HYOU1: variants seen among roughly 807,000 people sequenced by gnomAD.
HYOU1 encodes the protein hypoxia up-regulated protein 1.
Under a neutral mutation model 120.5 loss-of-function variants are expected in HYOU1, and 40 were observed. The observed-to-expected ratio is 0.33, with a 90% CI of 0.26 to 0.43. The LOEUF is 0.43. HYOU1 is among the 20% of genes least tolerant of loss of function. The pLI, the probability that HYOU1 is intolerant of heterozygous loss-of-function variation, is 1.00. For missense variants in HYOU1, 1,085 were observed against 1,278.3 expected (o/e 0.85, Z 2.31); for synonymous variants, 501 against 479.4 (o/e 1.05, Z -0.59).
rs370905937 is a variant in HYOU1 at position 119,045,446 on chromosome 11, TCC to T, written c.*145_*146del. ...AGGAACCAGTGAGCTGTCCCTCCCT[TCC>T]CCTTCTCCACACCTCCAAATCACAG... is the stretch of plus-strand genomic sequence containing the variant. On this transcript the variant is annotated 3_prime_UTR_variant, in exon 26 of 26. Coordinates refer to ENST00000617285, the MANE Select transcript of HYOU1 (RefSeq NM_006389.5). 1 of 783,248 alleles carries T rather than the reference TCC, an allele frequency of 1.3e-6. No homozygotes were observed. The highest frequency in any genetic ancestry group is 2.3e-6 in the Non-Finnish European group (1 of 440,044). 48.5% of individuals were successfully genotyped at this position (783,248 alleles called of 1,614,324 possible). A position where few individuals can be genotyped will look rare whatever the true frequency, so the allele number is the denominator to read the frequency against.
In HYOU1 at chr11:119,051,009, C is replaced by A; in HGVS notation, c.1665+26G>T. 1 of 1,613,730 alleles carries A rather than the reference C, an allele frequency of 6.2e-7. No homozygotes were observed. Among genetic ancestry groups the A allele is most frequent in the Non-Finnish European group, 8.5e-7 (1 of 1,179,750 alleles). ...TGGCAGGGCCTGAGCCCCTGCTCTGCACACAGGGTATCCTTTAGCTCTCAC... is the reference window on the plus strand; with the variant it reads ...TGGCAGGGCCTGAGCCCCTGCTCTGAACACAGGGTATCCTTTAGCTCTCAC... On this transcript the variant is annotated intron_variant, in intron 14 of 25. Transcript: ENST00000617285. The surrounding 1 kb of genome is among the most constrained non-coding windows in gnomAD (Gnocchi z 4.2).
chr11:119,049,669 G>T, intron 15 of HYOU1, 34 bp from the exon 16 acceptor site: 1 of 1,612,302 alleles, frequency 6.2e-7, no homozygotes, highest in South Asian at 1.1e-5. Context: ...CTCAAAAGGA[G>T]ACCACAGCAG....
chr11:119,056,785 G>T (rs1056483433), intron 1 of HYOU1: 1 of 214,770 alleles, frequency 4.7e-6, no homozygotes, highest in Non-Finnish European at 9.5e-6. Context: ...GCCGTTACCC[G>T]GTGTTCACCT....
At chr11:119,046,022 C>T (rs149860003) in intron 24 of HYOU1, among the ~76,000 whole-genome samples, 191 bp from the exon 25 acceptor site, 134 of 152,294 alleles carry the variant, frequency 8.8e-4, no homozygotes, top group East Asian at 1.5e-3. Context: ...AGTGCAGTGG[C>T]GCCATCTTGG....
chr11:119,055,293 A>T lies in HYOU1; in HGVS notation c.311T>A (p.Leu104Gln). Residue 104 changes from leucine to glutamine, a missense_variant, in exon 5 of 26, where the codon CTG (leucine) becomes CAG (glutamine). Around this residue, in one of 4 missense-constraint regions of HYOU1, gnomAD observed 515 missense variants for 677.8 expected, o/e 0.76. Coordinates refer to ENST00000617285, the MANE Select transcript of HYOU1 (RefSeq NM_006389.5). The surrounding 1 kb of genome is among the most constrained non-coding windows in gnomAD (Gnocchi z 4.0). ...ATGGGGGTTATCTGCCTGCTTCCCC[A>T]GGAGGTGCTGGAAGTAACGTAGCGT... Reference protein sequence around the residue: ...KATLRYFQHLLGKQADNPHVA... With the variant: ...KATLRYFQHLQGKQADNPHVA... 1 of 1,614,092 alleles carries T rather than the reference A, an allele frequency of 6.2e-7. No homozygotes were observed. The highest frequency in any genetic ancestry group is 8.5e-7 in the Non-Finnish European group (1 of 1,179,970).
At position 119,055,441 on chromosome 11, in the gene HYOU1, G is replaced by A. The variant is rs971844288; in HGVS notation, c.264+52C>T. ...GATAAGGAAACAGACTCTGGGGGCT[G>A]CCATCTCCTCTCCTCTGCCCACCAC... On this transcript the variant is annotated intron_variant, in intron 4 of 25. Transcript: ENST00000617285. This position sits in a 1 kb window ranked among gnomAD's most constrained non-coding sequence, Gnocchi z 4.0. 3.1e-6 allele frequency: 5 copies of A among 1,604,672 alleles called. No homozygotes were observed. Among genetic ancestry groups the A allele is most frequent in the Admixed American group, 3.3e-5 (2 of 59,968 alleles).
rs2133583776 is a variant in HYOU1, at chr11:119,051,251, A to G, written c.1527-78T>C. The G allele has an allele frequency of 7.0e-5, 111 of 1,585,482 alleles. No individual in the cohort carries two copies. In the African/African-American group the frequency reaches 1.2e-3, roughly 17 times the overall value. On this transcript the variant is annotated intron_variant, in intron 13 of 25. Coordinates refer to ENST00000617285, the MANE Select transcript of HYOU1 (RefSeq NM_006389.5). This position sits in a 1 kb window ranked among gnomAD's most constrained non-coding sequence, Gnocchi z 4.2. ...CCTCTAGACTACATGGCCTCCTGGC[A>G]CAAGGTGTCAGGGGCACTCCCCAAG...
chr11:119,046,328 G>T, intron 24 of HYOU1, 89 bp downstream of exon 24: 1 of 1,192,248 alleles, frequency 8.4e-7, no homozygotes, highest in Non-Finnish European at 1.2e-6. Flanking sequence ...AAGCTCATGG[G>T]CTGTCTAGAA....
intron 7 of HYOU1, 104 bp from the exon 8 acceptor site, chr11:119,054,340 A>C: frequency 8.3e-7 from 1 of 1,211,978 alleles, no homozygotes; most frequent in Non-Finnish European, 1.2e-6. Flanking sequence ...CTTAACACAA[A>C]ACTAAACAGC....
rs1396661176 is a variant in HYOU1, at chr11:119,055,899, T to A, written c.92-56A>T. On this transcript the variant is annotated intron_variant, in intron 2 of 25. Transcript: ENST00000617285. This position sits in a 1 kb window ranked among gnomAD's most constrained non-coding sequence, Gnocchi z 4.0. ...CTCCCTTCGCCCACCTTCCTGGGAC[T>A]CCCTCTAATCAAAGCATACCACTTT... 1.9e-5 allele frequency: 28 copies of A among 1,486,064 alleles called. No individual in the cohort carries two copies. In the Admixed American group the frequency reaches 4.4e-4, roughly 23 times the overall value. The allele number at this position is 1,486,064 out of a possible 1,614,324, so 92.1% of individuals were successfully genotyped here. A position where few individuals can be genotyped will look rare whatever the true frequency, so the allele number is the denominator to read the frequency against.
chr11:119,045,627 C>T lies in HYOU1; in HGVS notation c.2966G>A (p.Gly989Glu), dbSNP rs1944016103. The T allele has an allele frequency of 6.2e-7, 1 of 1,614,230 alleles. No homozygotes were observed. Among genetic ancestry groups the T allele is most frequent in the African/African-American group, 1.3e-5 (1 of 75,056 alleles). ...GTCGTTCTTCAAAGGCCGCTTCTGT[C>T]CTGTCGATTGTTCTTTCTGTTCAGG... ...AEPEQKEQST[G>E]QKRPLKNDEL Residue 989 changes from glycine to glutamate, a missense_variant, in exon 26 of 26, where the codon GGA (glycine) becomes GAA (glutamate). This residue lies in a region of HYOU1 where 516 missense variants were observed against 517.1 expected (regional missense o/e 1.00). Coordinates refer to ENST00000617285, the MANE Select transcript of HYOU1 (RefSeq NM_006389.5).
At position 119,052,937 on chromosome 11, in the gene HYOU1, C is replaced by T. The variant is rs1565718329; in HGVS notation, c.795-108G>A. On this transcript the variant is annotated intron_variant, in intron 8 of 25. Transcript: ENST00000617285. The surrounding 1 kb of genome is among the most constrained non-coding windows in gnomAD (Gnocchi z 5.0). ...GCACCTTTCCTTCATCTCAGGGGACCTTGTTCATCTCCAGTGCCCCATGTG... is the reference window on the plus strand; with the variant it reads ...GCACCTTTCCTTCATCTCAGGGGACTTTGTTCATCTCCAGTGCCCCATGTG... The T allele has an allele frequency of 3.9e-6, 4 of 1,022,242 alleles. No individual in the cohort carries two copies. Among genetic ancestry groups the T allele is most frequent in the Non-Finnish European group, 5.6e-6 (4 of 711,250 alleles). The allele number at this position is 1,022,242 out of a possible 1,614,324, so 63.3% of individuals were successfully genotyped here. A position where few individuals can be genotyped will look rare whatever the true frequency, so the allele number is the denominator to read the frequency against.
In HYOU1 at chr11:119,048,980, C is replaced by T; in HGVS notation, c.1992+38G>A. 2 of 1,612,994 alleles carry T rather than the reference C, an allele frequency of 1.2e-6. No homozygotes were observed. The highest frequency in any genetic ancestry group is 2.7e-5 in the African/African-American group (2 of 74,984). On this transcript the variant is annotated intron_variant, in intron 17 of 25. Transcript: ENST00000617285. The surrounding 1 kb of genome is among the most constrained non-coding windows in gnomAD (Gnocchi z 4.7). ...CAAGGCAGGCGCCTGCTCCCTTAGC[C>T]TCTGGATCCACACTGGCCTTCCTCT... is the stretch of plus-strand genomic sequence containing the variant.
Position 119,055,375 on chromosome 11 carries a change from T to G in HYOU1, c.265-36A>C. The G allele has an allele frequency of 6.2e-7, 1 of 1,609,564 alleles. No homozygotes were observed. The highest frequency in any genetic ancestry group is 8.5e-7 in the Non-Finnish European group (1 of 1,176,824). ...AAGAAGGAGCAGACTAGTATTAGGC[T>G]CCCAAGTCCACCATTACCTACCTCT... On this transcript the variant is annotated intron_variant, in intron 4 of 25. Transcript: ENST00000617285. This position sits in a 1 kb window ranked among gnomAD's most constrained non-coding sequence, Gnocchi z 4.0.
chr11:119,048,479 G>T lies in HYOU1; in HGVS notation c.2250C>A (p.Thr750=). 1 of 1,613,862 alleles carries T rather than the reference G, an allele frequency of 6.2e-7. No individual in the cohort carries two copies. Among genetic ancestry groups the T allele is most frequent in the Non-Finnish European group, 8.5e-7 (1 of 1,179,946 alleles). ...CTGCTGCCTCCTGCCCACTGACCTG[G>T]GTCTCAAATATGAATGCTTCCAAGC... ...ANSLEAFIFE[T]QDKLYQPEYQ... The change falls in exon 19 of 26, where the codon ACC becomes ACA. Residue 750 remains threonine (T), a synonymous_variant. Transcript: ENST00000617285. This position sits in a 1 kb window ranked among gnomAD's most constrained non-coding sequence, Gnocchi z 4.7.
At chr11:119,050,964 G>A in intron 14 of HYOU1, 71 bp downstream of exon 14, 1 of 1,577,260 alleles carries the variant, frequency 6.3e-7, no homozygotes, top group Non-Finnish European at 8.7e-7. Context: ...ATGCCATGTG[G>A]AACCCACTTT....
At chr11:119,056,209 C>G in intron 1 of HYOU1, 42 bp from the exon 2 acceptor site, 1 of 1,367,410 alleles carries the variant, frequency 7.3e-7, no homozygotes, top group African/African-American at 1.4e-5. Context: ...ACTGGATACC[C>G]GGAGTGAAGG....
chr11:119,054,448 T>TA (rs1565720514), intron 7 of HYOU1, 46 bp downstream of exon 7: 2 of 1,593,404 alleles, frequency 1.3e-6, no homozygotes, highest in Non-Finnish European at 1.7e-6. Flanking sequence ...CCTCCATCCT[T>TA]AGATTCAGTC....
intron 24 of HYOU1, among the ~76,000 whole-genome samples, 162 bp downstream of exon 24, chr11:119,046,255 C>T (rs1031558158): frequency 4.7e-5 from 7 of 149,698 alleles, no homozygotes; most frequent in Admixed American, 1.3e-4. Context: ...CGTGAGCCAC[C>T]GTGCCTGGCC....
Sources: allele counts gnomAD v4.1 joint callset (sites outside exome capture counted in the v4.1 genomes callset), GRCh38; gene constraint gnomAD v4.1.1; regional missense constraint gnomAD v4.1.1; non-coding constraint Gnocchi (gnomAD v3.1); transcripts MANE v1.5; gene names NCBI Gene and HGNC (gene_info 2026-07-23, HGNC 2026-07-21).